Variants in TSC2 observed in about 807,000 individuals in gnomAD.
TSC2 encodes tuberin.
TSC2 carries 29 observed loss-of-function variants against 202.2 expected under a neutral mutation model. The ratio of observed to expected loss-of-function variants is 0.14; its 90% CI spans 0.11 to 0.20. TSC2 has a LOEUF of 0.20. Among genes scored for constraint, TSC2 ranks in the 10% least tolerant of loss-of-function variants. TSC2 has a pLI of 1.00. For missense variants in TSC2, 2,429 were observed against 2,420.0 expected (o/e 1.00, Z -0.08); for synonymous variants, 1,349 against 1,044.0 (o/e 1.29, Z -5.63).
intron 16 of TSC2, among the ~76,000 whole-genome samples, chr16:2,068,187 G>C (rs1056028912): frequency 6.6e-6 from 1 of 151,994 alleles, no homozygotes; most frequent in Non-Finnish European, 1.5e-5. Flanking sequence ...TGACAGGTGC[G>C]CACCACCACA....
At chr16:2,083,838 G>C (rs374199855) in intron 33 of TSC2, 22 bp downstream of exon 33, 1 of 1,604,586 alleles carries the variant, frequency 6.2e-7, no homozygotes, top group South Asian at 1.1e-5. Flanking sequence ...TCAGAGCCTG[G>C]ACCCTGCTGA....
intron 2 of TSC2, among the ~76,000 whole-genome samples, chr16:2,050,025 G>A (rs1436465784): frequency 6.8e-6 from 1 of 147,616 alleles, no homozygotes; most frequent in Non-Finnish European, 1.5e-5. Context: ...GCGCGATCTC[G>A]GCTCACTGCA....
chr16:2,082,260 C>A (rs2090233832), intron 31 of TSC2, 176 bp from the exon 32 acceptor site: 1 of 704,184 alleles, frequency 1.4e-6, no homozygotes, highest in Non-Finnish European at 2.5e-6. Context: ...GAGGGAGGCA[C>A]TGCCCTCCTC....
At chr16:2,086,579 C>T (rs1237042535) in intron 37 of TSC2, among the ~76,000 whole-genome samples, 153 bp from the exon 38 acceptor site, 4 of 152,330 alleles carry the variant, frequency 2.6e-5, no homozygotes, top group African/African-American at 9.6e-5. Context: ...AGCCCTGCCC[C>T]TGGGGAGAGC....
At chr16:2,082,408 C>T (rs45517313) in intron 31 of TSC2, 28 bp from the exon 32 acceptor site, 329 of 1,611,174 alleles carry the variant, frequency 2.0e-4, no homozygotes, top group Middle Eastern at 4.9e-4. Flanking sequence ...CTCCTGCTGA[C>T]GTGGCCGCAC....
intron 3 of TSC2, among the ~76,000 whole-genome samples, chr16:2,052,066 A>G (rs1311700907): frequency 2.6e-5 from 4 of 152,168 alleles, no homozygotes; most frequent in African/African-American, 9.7e-5. Context: ...CTGTCTCAGA[A>G]AACAAAAAAA....
Position 2,048,635 on chromosome 16 carries a change from A to G in TSC2, c.20A>G (p.Lys7Arg), listed in dbSNP as rs137854215. The change falls in exon 2 of 42, where the codon AAA (lysine) becomes AGA (arginine). Residue 7 changes from lysine to arginine, a missense_variant. Coordinates refer to ENST00000219476, the MANE Select transcript of TSC2 (RefSeq NM_000548.5). ...TCCACCATGGCCAAACCAACAAGCA[A>G]AGATTCAGGCTTGAAGGAGAAGTTT... MAKPTS[K>R]DSGLKEKFKI... The G allele has an allele frequency of 1.3e-4, 210 of 1,613,846 alleles. No homozygotes were observed. Among genetic ancestry groups the G allele is most frequent in the Non-Finnish European group, 1.7e-4 (199 of 1,180,040 alleles).
At chr16:2,052,222 A>G (rs2085218329) in intron 3 of TSC2, among the ~76,000 whole-genome samples, 2 of 151,244 alleles carry the variant, frequency 1.3e-5, no homozygotes, top group African/African-American at 4.9e-5. Context: ...CGGTAAGAGT[A>G]TTGTCAATGA....
rs2086820146 is a variant in TSC2 at position 2,062,966 on chromosome 16, C to G, written c.1362-6C>G. On this transcript the variant is annotated splice_region_variant and splice_polypyrimidine_tract_variant and intron_variant, in intron 13 of 41. Transcript: ENST00000219476. The stretch of plus-strand genomic sequence containing the variant: ...CCACCCGCCCCAGCAGGCTGCCGTC[C>G]CGCAGGAGCGAGTCCCGAGGCGCCG... 1 of 1,549,944 alleles carries G rather than the reference C, an allele frequency of 6.5e-7. No individual in the cohort carries two copies. The highest frequency in any genetic ancestry group is 1.2e-5 in the South Asian group (1 of 84,022).
chr16:2,055,097 C>T (rs771797377), intron 5 of TSC2: 13 of 459,420 alleles, frequency 2.8e-5, no homozygotes, highest in African/African-American at 5.9e-5. Flanking sequence ...CTGGTGATGT[C>T]GGCGTCTCCC....
At chr16:2,083,659 G>A in intron 32 of TSC2, 36 bp from the exon 33 acceptor site, 3 of 1,561,044 alleles carry the variant, frequency 1.9e-6, no homozygotes, top group South Asian at 1.2e-5. Flanking sequence ...GCCTGGCCCA[G>A]CCCCACATCC....
At chr16:2,076,767 C>T (rs542610133) in intron 25 of TSC2, 182 bp downstream of exon 25, 12 of 656,408 alleles carry the variant, frequency 1.8e-5, no homozygotes, top group Admixed American at 1.1e-4. Flanking sequence ...GCAGGTTGGC[C>T]GTGGTGGCCT....
chr16:2,086,729 C>T lies in TSC2; in HGVS notation c.4850-3C>T, dbSNP rs397514982. ...AAACCCATCCGGCCCTGCTCACCCTCAGCCGTCTTCCACATCGCCACCCTG... is the reference window on the plus strand; with the variant it reads ...AAACCCATCCGGCCCTGCTCACCCTTAGCCGTCTTCCACATCGCCACCCTG... On this transcript the variant is annotated splice_region_variant and splice_polypyrimidine_tract_variant and intron_variant, in intron 37 of 41. Transcript: ENST00000219476. 1.9e-6 allele frequency: 3 copies of T among 1,609,808 alleles called. No homozygotes were observed. Among genetic ancestry groups the T allele is most frequent in the Middle Eastern group, 2.2e-4 (1 of 4,506 alleles).
chr16:2,050,774 A>C (rs906685768), intron 3 of TSC2, among the ~76,000 whole-genome samples: 4 of 151,704 alleles, frequency 2.6e-5, no homozygotes, highest in African/African-American at 7.2e-5. Flanking sequence ...TTTTTAGTAG[A>C]GACGGGGTTT....
rs1323698822 is a variant in TSC2, at chr16:2,088,888, C to A, written c.*278C>A. 1 of 436,340 alleles carries A rather than the reference C, an allele frequency of 2.3e-6. No homozygotes were observed. Among genetic ancestry groups the A allele is most frequent in the African/African-American group, 2.3e-5 (1 of 43,154 alleles). The allele number at this position is 436,340 out of a possible 1,614,324, so 27.0% of individuals were successfully genotyped here. On this transcript the variant is annotated 3_prime_UTR_variant, in exon 42 of 42. Coordinates refer to ENST00000219476, the MANE Select transcript of TSC2 (RefSeq NM_000548.5). ...ACTCGCGCGTGCGCGCGCGCACACA[C>A]ACACACACACAGTCACCTTCCTCCA... is the stretch of plus-strand genomic sequence containing the variant.
At chr16:2,078,964 C>T in intron 26 of TSC2, 68 bp from the exon 27 acceptor site, 3 of 1,602,608 alleles carry the variant, frequency 1.9e-6, no homozygotes, top group Admixed American at 3.3e-5. Flanking sequence ...GAGCTTTGGC[C>T]CTTGGTGATA....
chr16:2,082,151 C>G, intron 31 of TSC2: 1 of 592,816 alleles, frequency 1.7e-6, no homozygotes, highest in Admixed American at 3.0e-5. Context: ...GCACTCTGGG[C>G]CCCCACCCCA....
chr16:2,084,580 C>T lies in TSC2; in HGVS notation c.4358C>T (p.Pro1453Leu), dbSNP rs748182471. 3.7e-6 allele frequency: 6 copies of T among 1,606,488 alleles called. No homozygotes were observed. In the South Asian group the frequency reaches 5.5e-5, roughly 15 times the overall value. The change falls in exon 34 of 42, where the codon CCC (proline) becomes CTC (leucine). Residue 1453 changes from proline to leucine, a missense_variant. By Grantham distance (98) the Pro-to-Leu change is moderately conservative. Coordinates refer to ENST00000219476, the MANE Select transcript of TSC2 (RefSeq NM_000548.5). ...GPLPSSSPRS[P>L]SGLRPRGYTI... ...TTGCCTTCCAGCTCCCCCCGCTCGCCCAGTGGCCTCCGGCCCCGAGGTTAC... is the reference window on the plus strand; with the variant it reads ...TTGCCTTCCAGCTCCCCCCGCTCGCTCAGTGGCCTCCGGCCCCGAGGTTAC...
chr16:2,062,142 G>A (rs1031434548), intron 12 of TSC2, 134 bp downstream of exon 12: 35 of 1,305,306 alleles, frequency 2.7e-5, no homozygotes, highest in South Asian at 1.5e-4. Context: ...TTCTGCACTC[G>A]GCAGGGAAGG....
Sources: allele counts gnomAD v4.1 joint callset (sites outside exome capture counted in the v4.1 genomes callset), GRCh38; gene constraint gnomAD v4.1.1; transcripts MANE v1.5; gene names NCBI Gene and HGNC (gene_info 2026-07-23, HGNC 2026-07-21).